CTNNA3: variants seen among roughly 807,000 people sequenced by gnomAD.
CTNNA3 encodes catenin alpha-3.
Under a neutral mutation model 95.7 loss-of-function variants are expected in CTNNA3, and 76 were observed. The ratio of observed to expected loss-of-function variants is 0.79; its 90% CI spans 0.66 to 0.96. The LOEUF (loss-of-function observed/expected upper bound fraction) is 0.96, where lower values mean the gene tolerates loss of function less well. CTNNA3 is among the 40% of genes least tolerant of loss of function. CTNNA3 has a pLI of 0.00. For synonymous variants in CTNNA3, 431 were observed against 374.4 expected (o/e 1.15, Z -1.74); for missense variants, 1,191 against 1,089.8 (o/e 1.09, Z -1.31).
intron 5 of CTNNA3, among the ~76,000 whole-genome samples, chr10:67,470,298 AATAGTACTCC>A (rs1847768226): frequency 6.6e-6 from 1 of 152,208 alleles, no homozygotes; most frequent in Non-Finnish European, 1.5e-5. Context: ...TTTATGGCTG[AATAGTACTCC>A]ATTGTGTATA....
intron 7 of CTNNA3, among the ~76,000 whole-genome samples, chr10:66,862,139 A>G (rs979981947): frequency 6.6e-6 from 1 of 152,156 alleles, no homozygotes; most frequent in Admixed American, 6.5e-5. Context: ...ACTTGAAGCC[A>G]GGATGTGGAG....
intron 9 of CTNNA3, among the ~76,000 whole-genome samples, chr10:66,729,625 C>T (rs1410436766): frequency 2.0e-5 from 3 of 152,116 alleles, no homozygotes; most frequent in Admixed American, 2.0e-4. Context: ...ATACAGTGAA[C>T]TTTGGGGACT....
intron 5 of CTNNA3, among the ~76,000 whole-genome samples, chr10:67,287,354 G>GA (rs1839648514): frequency 6.6e-6 from 1 of 151,868 alleles, no homozygotes; most frequent in South Asian, 2.1e-4. Context: ...AAAAAGAAAA[G>GA]AAAAAACATT....
chr10:67,740,477 C>A (rs1471466894), intron 1 of CTNNA3, among the ~76,000 whole-genome samples: 1 of 151,296 alleles, frequency 6.6e-6, no homozygotes, highest in African/African-American at 2.4e-5. Context: ...AAACAAACAA[C>A]CCCATCAAAA....
chr10:66,272,443 G>A lies in CTNNA3; in HGVS notation c.1884+8027C>T, dbSNP rs112722512. Among the ~76,000 whole-genome samples, 196 of 152,212 alleles carry A rather than the reference G, an allele frequency of 1.3e-3. 1 individual carries two copies. The highest frequency in any genetic ancestry group is 4.4e-3 in the African/African-American group (184 of 41,518). ...TCAGAAAAGCATGAAGGGGAGAAGC[G>A]CACATTTGATAGCCGTTAGGACTAT... On this transcript the variant is annotated intron_variant, in intron 13 of 17. Coordinates refer to ENST00000433211, the MANE Select transcript of CTNNA3 (RefSeq NM_013266.4).
At chr10:66,744,731 C>A (rs1047924878) in intron 9 of CTNNA3, among the ~76,000 whole-genome samples, 24 of 152,010 alleles carry the variant, frequency 1.6e-4, no homozygotes, top group Non-Finnish European at 2.6e-4. Context: ...CTAATCCATA[C>A]CCCTAAAATA....
At position 67,557,936 on chromosome 10, in the gene CTNNA3, G is replaced by T. The variant is rs564617407; in HGVS notation, c.293-18267C>A. 3.9e-4 allele frequency among the ~76,000 whole-genome samples: 60 copies of T among 152,270 alleles called. No homozygotes were observed. The South Asian group carries it at 0.012, about 31-fold the overall frequency. ...GAACAAATGCTTCTGCCACTAGATT[G>T]CAACAAGACCCTATCTCTCTAAACA... is the stretch of plus-strand genomic sequence containing the variant. On this transcript the variant is annotated intron_variant, in intron 3 of 17. Transcript: ENST00000433211.
At chr10:66,703,542 T>C (rs972202870) in intron 9 of CTNNA3, among the ~76,000 whole-genome samples, 1 of 152,162 alleles carries the variant, frequency 6.6e-6, no homozygotes. Context: ...TGCAGTAACC[T>C]TGAGCCTCTG....
At chr10:66,777,679 T>C (rs1840358675) in intron 7 of CTNNA3, among the ~76,000 whole-genome samples, 1 of 152,040 alleles carries the variant, frequency 6.6e-6, no homozygotes, top group Non-Finnish European at 1.5e-5. Context: ...ATGCAGTGTT[T>C]GCTCTTGGTT....
rs187867080 is a variant in CTNNA3, at chr10:67,373,165, A to C, written c.579+148677T>G. On this transcript the variant is annotated intron_variant, in intron 5 of 17. Transcript: ENST00000433211. ...TAAATGGGCTAAATGCTCCAATTAAAAGACACAGACTGGCAAATTGGATAA... is the reference window on the plus strand; with the variant it reads ...TAAATGGGCTAAATGCTCCAATTAACAGACACAGACTGGCAAATTGGATAA... Among the ~76,000 whole-genome samples the C allele has an allele frequency of 3.3e-3, 508 of 152,344 alleles. 4 individuals are homozygous for C. The highest frequency in any genetic ancestry group is 0.012 in the African/African-American group (483 of 41,584).
At chr10:67,218,017 G>A (rs1864464935) in intron 6 of CTNNA3, among the ~76,000 whole-genome samples, 1 of 151,828 alleles carries the variant, frequency 6.6e-6, no homozygotes, top group African/African-American at 2.4e-5. Context: ...ATGTGTATAG[G>A]GTATATATGA....
intron 11 of CTNNA3, among the ~76,000 whole-genome samples, chr10:66,427,899 A>G (rs2093256792): frequency 6.6e-6 from 1 of 152,124 alleles, no homozygotes; most frequent in African/African-American, 2.4e-5. Flanking sequence ...TTCACACATA[A>G]CAATATTAAC....
In CTNNA3 at chr10:66,217,352, CA is replaced by C. The variant is rs34541755; in HGVS notation, c.1884+63117del. Among the ~76,000 whole-genome samples, 584 of 128,148 alleles carry C rather than the reference CA, an allele frequency of 4.6e-3. 4 individuals are homozygous for C. Among genetic ancestry groups the C allele is most frequent in the African/African-American group, 0.013 (440 of 33,702 alleles). The allele number at this position is 128,148 out of a possible 152,430, so 84.1% of individuals were successfully genotyped here. On this transcript the variant is annotated intron_variant, in intron 13 of 17. Coordinates refer to ENST00000433211, the MANE Select transcript of CTNNA3 (RefSeq NM_013266.4). ...TGGGCGACAGAGCGAGACTCTATCT[CA>C]AAAAAAAAAAAAAAAGAAAGGAGTC...
At chr10:66,063,223 T>TAG (rs781582594) in intron 15 of CTNNA3, among the ~76,000 whole-genome samples, 165 of 117,730 alleles carry the variant, frequency 1.4e-3, no homozygotes, top group Middle Eastern at 4.4e-3. Context: ...TAGATATAGA[T>TAG]ATAGATAGAT....
intron 7 of CTNNA3, among the ~76,000 whole-genome samples, chr10:66,995,901 T>G (rs540213582): frequency 6.6e-6 from 1 of 152,358 alleles, no homozygotes; most frequent in East Asian, 1.9e-4. Context: ...CTAATATTTA[T>G]GGAGTACTGA....
At chr10:66,912,214 C>T (rs946527476) in intron 7 of CTNNA3, among the ~76,000 whole-genome samples, 3 of 152,090 alleles carry the variant, frequency 2.0e-5, no homozygotes, top group African/African-American at 7.2e-5. Context: ...CACACTCACC[C>T]TCACACACCA....
chr10:66,139,304 T>C (rs2083496465), intron 13 of CTNNA3, among the ~76,000 whole-genome samples: 1 of 152,108 alleles, frequency 6.6e-6, no homozygotes, highest in Non-Finnish European at 1.5e-5. Flanking sequence ...GGCTATAAAT[T>C]TGAAAATATT....
chr10:67,212,832 C>T (rs1437609534), intron 6 of CTNNA3, among the ~76,000 whole-genome samples: 1 of 151,748 alleles, frequency 6.6e-6, no homozygotes. Context: ...TAGTGCTAAA[C>T]AGTTTATTCA....
intron 4 of CTNNA3, among the ~76,000 whole-genome samples, chr10:67,534,246 C>A (rs1421084143): frequency 6.6e-6 from 1 of 152,026 alleles, no homozygotes; most frequent in Non-Finnish European, 1.5e-5. Context: ...CACCAAAAAT[C>A]TATAATAGAT....
Sources: gnomAD v4.1 joint callset for allele counts (sites outside exome capture counted in the v4.1 genomes callset) on GRCh38, gnomAD v4.1.1 for gene constraint, MANE v1.5 for transcripts, NCBI Gene and HGNC (gene_info 2026-07-23, HGNC 2026-07-21) for gene names.